Variants in PCDHA5 observed in about 807,000 individuals in gnomAD.
The protein encoded by PCDHA5 is protocadherin alpha-5.
PCDHA5 carries 43 observed loss-of-function variants against 61.6 expected under a neutral mutation model. That is an observed-to-expected ratio of 0.70 (90% CI 0.55 to 0.90). PCDHA5 has a LOEUF of 0.90. Ranked by LOEUF, PCDHA5 falls within the 40% of genes least tolerant of loss-of-function variation. The pLI, the probability that PCDHA5 is intolerant of heterozygous loss-of-function variation, is 0.00. For missense variants in PCDHA5, 1,298 were observed against 1,222.7 expected (o/e 1.06, Z -0.92); for synonymous variants, 627 against 543.9 (o/e 1.15, Z -2.13).
At chr5:140,849,563 G>T (rs2150440707) in intron 1 of PCDHA5, 1 of 1,598,488 alleles carries the variant, frequency 6.3e-7, no homozygotes, top group Non-Finnish European at 8.6e-7. Context: ...AAACGCTCTC[G>T]GTTCCTGTAA....
At chr5:140,884,166 C>G (rs1554181300) in intron 1 of PCDHA5, 2 of 1,613,430 alleles carry the variant, frequency 1.2e-6, no homozygotes, top group Non-Finnish European at 8.5e-7. Flanking sequence ...GAGATCAGCA[C>G]GACGCGCCCT....
intron 3 of PCDHA5, among the ~76,000 whole-genome samples, chr5:140,996,546 T>C (rs1179221123): frequency 6.6e-6 from 1 of 152,224 alleles, no homozygotes; most frequent in Admixed American, 6.5e-5. Flanking sequence ...GATATTATGC[T>C]GTCACTATCT....
In PCDHA5 at chr5:140,833,781, T is replaced by C. The variant is rs143295216; in HGVS notation, c.2352+9654T>C. Among the ~76,000 whole-genome samples the C allele has an allele frequency of 2.8e-3, 433 of 152,262 alleles. 2 individuals carry two copies. The highest frequency in any genetic ancestry group is 0.01 in the African/African-American group (417 of 41,552). On this transcript the variant is annotated intron_variant, in intron 1 of 3. Transcript: ENST00000529859. ...ACACACACACACCGCTTTCTAAGTT[T>C]CTCTTTCATCAATCAGTAGATTCTT...
intron 1 of PCDHA5, among the ~76,000 whole-genome samples, chr5:140,925,996 T>C (rs2082856637): frequency 6.6e-6 from 1 of 152,190 alleles, no homozygotes; most frequent in Non-Finnish European, 1.5e-5. Context: ...CTGGCTCCGC[T>C]GCCTCGAAAA....
intron 1 of PCDHA5, among the ~76,000 whole-genome samples, chr5:140,975,536 A>G (rs957684886): frequency 2.0e-5 from 3 of 152,226 alleles, no homozygotes; most frequent in Admixed American, 1.3e-4. Flanking sequence ...TATTCTTAAT[A>G]CAGTCCTATT....
intron 3 of PCDHA5, among the ~76,000 whole-genome samples, chr5:141,008,980 A>C (rs533099581): frequency 6.6e-6 from 1 of 152,374 alleles, no homozygotes; most frequent in African/African-American, 2.4e-5. Context: ...GCCAAAGTTT[A>C]ATCTAGACAC....
chr5:140,955,867 C>T (rs1208648426), intron 1 of PCDHA5, among the ~76,000 whole-genome samples: 1 of 152,136 alleles, frequency 6.6e-6, no homozygotes, highest in Non-Finnish European at 1.5e-5. Context: ...CTTCACTTCC[C>T]TTTTTAGCTG....
rs562972971 is a variant in PCDHA5, at chr5:140,960,395, A to AG, written c.2353-18547dup. 1.1e-4 allele frequency among the ~76,000 whole-genome samples: 17 copies of AG among 152,266 alleles called. No individual in the cohort carries two copies. The Middle Eastern group carries it at 0.014, about 123-fold the overall frequency. ...TTAAGTGCCAAGACATTAGGATGCAAGGGGGGGTGCCCAAAAAGTCAACAA... is the reference window on the plus strand; with the variant it reads ...TTAAGTGCCAAGACATTAGGATGCAAGGGGGGGGTGCCCAAAAAGTCAACAA... On this transcript the variant is annotated intron_variant, in intron 1 of 3. Coordinates refer to ENST00000529859, the MANE Select transcript of PCDHA5 (RefSeq NM_018908.3).
chr5:140,862,874 T>G (rs2047608966), intron 1 of PCDHA5: 1 of 568,426 alleles, frequency 1.8e-6, no homozygotes, highest in South Asian at 1.4e-5. Context: ...CTGCCAGGTA[T>G]TAGTGCTGGA....
chr5:140,969,148 G>T, intron 1 of PCDHA5: 1 of 1,614,102 alleles, frequency 6.2e-7, no homozygotes. Flanking sequence ...ACTGCTACAA[G>T]GCCTGTCTGA....
At chr5:140,848,832 C>A in intron 1 of PCDHA5, 1 of 1,590,228 alleles carries the variant, frequency 6.3e-7, no homozygotes. Flanking sequence ...CGTAGACAGG[C>A]CGCTGCAGGT....
intron 3 of PCDHA5, among the ~76,000 whole-genome samples, chr5:140,995,889 A>G (rs1007675217): frequency 1.3e-5 from 2 of 152,202 alleles, no homozygotes; most frequent in African/African-American, 4.8e-5. Context: ...CTTCAGATTT[A>G]TCAATGTATA....
intron 1 of PCDHA5, chr5:140,871,442 A>C: frequency 6.2e-7 from 1 of 1,611,276 alleles, no homozygotes; most frequent in African/African-American, 1.3e-5. Flanking sequence ...CTAGGTCTGA[A>C]TAAAGAGGAG....
Position 140,869,675 on chromosome 5 carries a change from G to C in PCDHA5, c.2352+45548G>C, listed in dbSNP as rs1040647730. 3 of 1,613,268 alleles carry C rather than the reference G, an allele frequency of 1.9e-6. No homozygotes were observed. The South Asian group carries it at 3.3e-5, about 18-fold the overall frequency. Reference sequence around the variant, plus strand: ...CCAACAAATGGTAAGCAGATTAAAAGACTGTCACTTATTTTAAAGAAGTCT... The same window carrying C: ...CCAACAAATGGTAAGCAGATTAAAACACTGTCACTTATTTTAAAGAAGTCT... On this transcript the variant is annotated intron_variant, in intron 1 of 3. Transcript: ENST00000529859.
chr5:140,997,781 C>T (rs1207024588), intron 3 of PCDHA5, among the ~76,000 whole-genome samples: 3 of 151,626 alleles, frequency 2.0e-5, no homozygotes, highest in African/African-American at 7.3e-5. Flanking sequence ...TGTTGTATAC[C>T]TATATTATAA....
chr5:140,943,640 A>G (rs1288085106), intron 1 of PCDHA5, among the ~76,000 whole-genome samples: 1 of 152,224 alleles, frequency 6.6e-6, no homozygotes, highest in African/African-American at 2.4e-5. Context: ...TGGATTATGG[A>G]TAAAACCATC....
intron 1 of PCDHA5, chr5:140,968,722 T>A (rs1379540261): frequency 6.2e-7 from 1 of 1,613,728 alleles, no homozygotes; most frequent in Non-Finnish European, 8.5e-7. Context: ...GAGATGAGAG[T>A]GGTAGCACTT....
chr5:140,928,836 C>G, intron 1 of PCDHA5: 2 of 1,614,168 alleles, frequency 1.2e-6, no homozygotes, highest in South Asian at 2.2e-5. Context: ...CACTTTCCTC[C>G]TCTGTCACTC....
intron 1 of PCDHA5, chr5:140,828,162 G>A (rs1769562781): frequency 2.5e-6 from 4 of 1,614,172 alleles, no homozygotes; most frequent in Non-Finnish European, 3.4e-6. Context: ...CTCGCAGCCT[G>A]GAAGGTGGGG....
Sources: allele counts gnomAD v4.1 joint callset (sites outside exome capture counted in the v4.1 genomes callset), GRCh38; gene constraint gnomAD v4.1.1; transcripts MANE v1.5; gene names NCBI Gene and HGNC (gene_info 2026-07-23, HGNC 2026-07-21).